Variants in TRRAP observed in about 807,000 individuals in gnomAD.
TRRAP encodes transformation/transcription domain associated protein.
Under a neutral mutation model 438.8 loss-of-function variants are expected in TRRAP, and 41 were observed. The observed-to-expected ratio is 0.09, with a 90% CI of 0.07 to 0.12. The LOEUF (loss-of-function observed/expected upper bound fraction) is 0.12, where lower values mean the gene tolerates loss of function less well. Ranked by LOEUF, TRRAP falls within the 10% of genes least tolerant of loss-of-function variation. The pLI, the probability that TRRAP is intolerant of heterozygous loss-of-function variation, is 1.00. For synonymous variants in TRRAP, 1,994 were observed against 1,962.9 expected, an observed-to-expected ratio of 1.02 and a Z score of -0.42; for missense variants, 3,122 against 5,055.1, an observed-to-expected ratio of 0.62 and a Z score of 11.60.
chr7:98,962,723 C>T lies in TRRAP; in HGVS notation c.6829+296C>T, dbSNP rs112640381. On this transcript the variant is annotated intron_variant, in intron 47 of 72. Transcript: ENST00000456197. Reference sequence around the variant, plus strand: ...CCCCAGTGTCACACTAAACAGGCACCGCAAGAGCTACATGACAATGTGTGG... The same window carrying T: ...CCCCAGTGTCACACTAAACAGGCACTGCAAGAGCTACATGACAATGTGTGG... Among the ~76,000 whole-genome samples, 1,234 of 152,294 alleles carry T rather than the reference C, an allele frequency of 8.1e-3. 10 individuals are homozygous for T. The highest frequency in any genetic ancestry group is 0.026 in the African/African-American group (1,066 of 41,548).
chr7:98,919,595 C>G (rs1342330269), intron 20 of TRRAP, among the ~76,000 whole-genome samples: 3 of 152,158 alleles, frequency 2.0e-5, no homozygotes, highest in African/African-American at 7.2e-5. Flanking sequence ...GAACAAGACC[C>G]TGTTTCAAAA....
chr7:98,886,090 A>G (rs977202139), intron 3 of TRRAP, among the ~76,000 whole-genome samples: 3 of 151,992 alleles, frequency 2.0e-5, no homozygotes, highest in African/African-American at 2.4e-5. Flanking sequence ...TTCGAGACCA[A>G]CCTGGCCAAC....
intron 67 of TRRAP, chr7:98,999,559 G>A (rs1562978864): frequency 4.1e-6 from 3 of 732,416 alleles, no homozygotes; most frequent in Non-Finnish European, 7.4e-6. Flanking sequence ...CATCCAGGCA[G>A]ACAGGATCCC....
chr7:98,969,645 C>G (rs1792318865), intron 51 of TRRAP, among the ~76,000 whole-genome samples: 1 of 151,792 alleles, frequency 6.6e-6, no homozygotes, highest in Non-Finnish European at 1.5e-5. Flanking sequence ...GGCGAGTGGC[C>G]CAACTGCAGA....
At chr7:98,902,908 TA>T (rs34223624) in intron 11 of TRRAP, among the ~76,000 whole-genome samples, 3,813 of 132,136 alleles carry the variant, frequency 0.029, 175 homozygotes, top group African/African-American at 0.1. Flanking sequence ...CCCCCATTTC[TA>T]AAAAAAAAAA....
In TRRAP at chr7:98,959,361, C is replaced by T. The variant is rs1791776989; in HGVS notation, c.6360C>T (p.Asn2120=). 6.2e-7 allele frequency: 1 copy of T among 1,613,994 alleles called. No individual in the cohort carries two copies. The highest frequency in any genetic ancestry group is 8.5e-7 in the Non-Finnish European group (1 of 1,179,968). The change falls in exon 45 of 73, where the codon AAC becomes AAT. Residue 2120 remains asparagine, a synonymous_variant. Transcript: ENST00000456197. ...RVACQVNDNT[N]TAGSPGEVLS... is the part of the protein sequence containing the mutation. ...ATTCCTAGGTTAATGACAACACCAA[C>T]ACAGCGGGGTCCCCTGGGGAGGTGC...
chr7:98,957,895 T>C (rs1554420230), intron 43 of TRRAP, 86 bp from the exon 44 acceptor site: 8 of 1,126,434 alleles, frequency 7.1e-6, no homozygotes, highest in Non-Finnish European at 1.1e-5. Flanking sequence ...AGGTACCGCA[T>C]ACCCATTAGC....
chr7:98,970,057 G>A (rs1792341911), intron 51 of TRRAP, 55 bp from the exon 52 acceptor site: 5 of 1,586,158 alleles, frequency 3.2e-6, no homozygotes, highest in African/African-American at 1.3e-5. Flanking sequence ...AAGTCCAGAT[G>A]CCCTGAATGC....
At chr7:98,953,480 C>T in intron 40 of TRRAP, 47 bp downstream of exon 40, 1 of 1,592,704 alleles carries the variant, frequency 6.3e-7, no homozygotes, top group Non-Finnish European at 8.5e-7. Flanking sequence ...GTGAATCTCA[C>T]ATGGTGCACT....
chr7:98,966,651 C>T (rs1261492483), intron 49 of TRRAP, among the ~76,000 whole-genome samples: 1 of 151,952 alleles, frequency 6.6e-6, no homozygotes, highest in African/African-American at 2.4e-5. Flanking sequence ...CACCACTGTA[C>T]TCCAGTCTGG....
chr7:98,988,106 C>T (rs1482763548), intron 62 of TRRAP, among the ~76,000 whole-genome samples: 2 of 152,088 alleles, frequency 1.3e-5, no homozygotes, highest in East Asian at 1.9e-4. Context: ...TCATTTTTGT[C>T]GAGGATGTTT....
intron 53 of TRRAP, among the ~76,000 whole-genome samples, chr7:98,974,584 C>T (rs776389078): frequency 3.9e-5 from 6 of 152,162 alleles, no homozygotes; most frequent in Non-Finnish European, 7.4e-5. Context: ...GGAGCAGGAG[C>T]GGACTGTAAT....
intron 49 of TRRAP, among the ~76,000 whole-genome samples, 163 bp downstream of exon 49, chr7:98,966,058 G>A (rs1792137593): frequency 6.6e-6 from 1 of 152,162 alleles, no homozygotes; most frequent in Non-Finnish European, 1.5e-5. Flanking sequence ...TGTAATCTCA[G>A]CACTTTGGGA....
At position 99,012,090 on chromosome 7, in the gene TRRAP, C is replaced by A; in HGVS notation, c.11357C>A (p.Thr3786Lys). ...ACGCAGGTGGATGGCATTCTGAAAA[C>A]GGTTCTCCGGGACGAGATCATTGCT... ...PNFKVDGILK[T>K]VLRDEIIAWH... The change falls in exon 73 of 73, where the codon ACG becomes AAG. Residue 3786 changes from threonine to lysine, a missense_variant. Around this residue, in one of 24 missense-constraint regions of TRRAP, gnomAD observed 192 missense variants for 355.6 expected, o/e 0.54. Transcript: ENST00000456197. The surrounding 1 kb of genome is among the most constrained non-coding windows in gnomAD (Gnocchi z 5.9). 6.2e-7 allele frequency: 1 copy of A among 1,613,690 alleles called. No homozygotes were observed. The highest frequency in any genetic ancestry group is 8.5e-7 in the Non-Finnish European group (1 of 1,179,590).
chr7:98,974,061 G>A (rs1385642957), intron 53 of TRRAP, among the ~76,000 whole-genome samples: 1 of 152,220 alleles, frequency 6.6e-6, no homozygotes, highest in Non-Finnish European at 1.5e-5. Context: ...TGGAAACACA[G>A]TGGTAGCTGG....
chr7:98,885,162 G>A (rs1795641014), intron 3 of TRRAP, among the ~76,000 whole-genome samples: 1 of 152,040 alleles, frequency 6.6e-6, no homozygotes. Flanking sequence ...GTACAGTGGT[G>A]CAGTCACAGC....
chr7:99,006,002 C>T (rs528987115), intron 69 of TRRAP, among the ~76,000 whole-genome samples: 3 of 152,324 alleles, frequency 2.0e-5, no homozygotes, highest in East Asian at 1.9e-4. Context: ...GCACTCTGGG[C>T]CCTCCCTGAA....
At chr7:99,007,203 A>G (rs1036791251) in intron 69 of TRRAP, among the ~76,000 whole-genome samples, 1 of 152,188 alleles carries the variant, frequency 6.6e-6, no homozygotes, top group East Asian at 1.9e-4. Context: ...TCCTCCTCCA[A>G]AGATGGGGCA....
At chr7:98,997,438 G>A (rs1584406680) in intron 67 of TRRAP, among the ~76,000 whole-genome samples, 2 of 124,016 alleles carry the variant, frequency 1.6e-5, no homozygotes. Flanking sequence ...TCCAGAAAAA[G>A]GAGTAGGTAT....
Sources: gnomAD v4.1 joint callset for allele counts (sites outside exome capture counted in the v4.1 genomes callset) on GRCh38, gnomAD v4.1.1 for gene constraint, gnomAD v4.1.1 regional missense constraint, Gnocchi (gnomAD v3.1) non-coding constraint, MANE v1.5 for transcripts, NCBI Gene and HGNC (gene_info 2026-07-23, HGNC 2026-07-21) for gene names.